CADPS2: variants seen among roughly 807,000 people sequenced by gnomAD.
CADPS2 encodes the protein calcium-dependent secretion activator 2.
In CADPS2, 93 loss-of-function variants were observed where a neutral mutation model predicts 172.5. The observed-to-expected ratio is 0.54, with a 90% confidence interval of 0.46 to 0.64. The LOEUF is 0.64. CADPS2 is among the 30% of genes least tolerant of loss of function. The pLI is 0.00. For synonymous variants in CADPS2, 546 were observed against 555.2 expected, an observed-to-expected ratio of 0.98 and a Z score of 0.23; for missense variants, 1,420 against 1,565.9, an observed-to-expected ratio of 0.91 and a Z score of 1.57.
At chr7:122,539,827 CTT>C (rs976300165) in intron 8 of CADPS2, among the ~76,000 whole-genome samples, 55 of 105,716 alleles carry the variant, frequency 5.2e-4, no homozygotes, top group Admixed American at 1.2e-3. Flanking sequence ...CTGTCTCTCT[CTT>C]TCTTTCTTTA....
At chr7:122,609,055 G>T (rs1028686356) in intron 6 of CADPS2, among the ~76,000 whole-genome samples, 6 of 151,916 alleles carry the variant, frequency 3.9e-5, no homozygotes, top group Non-Finnish European at 8.8e-5. Flanking sequence ...AAAGAGGTTC[G>T]ATATCATGCT....
At chr7:122,773,867 T>C (rs1476631389) in intron 1 of CADPS2, among the ~76,000 whole-genome samples, 1 of 152,128 alleles carries the variant, frequency 6.6e-6, no homozygotes, top group African/African-American at 2.4e-5. Context: ...TAGCTCTTAC[T>C]AGTTTTGTTC....
chr7:122,756,215 G>T (rs1460187624), intron 1 of CADPS2, among the ~76,000 whole-genome samples: 1 of 147,694 alleles, frequency 6.8e-6, no homozygotes, highest in Non-Finnish European at 1.5e-5. Flanking sequence ...AATTATACAA[G>T]GACTTAATTA....
At chr7:122,756,997 CA>C (rs2093190902) in intron 1 of CADPS2, among the ~76,000 whole-genome samples, 1 of 152,088 alleles carries the variant, frequency 6.6e-6, no homozygotes, top group Non-Finnish European at 1.5e-5. Flanking sequence ...CACCACACTG[CA>C]CAACTCCACG....
intron 1 of CADPS2, among the ~76,000 whole-genome samples, chr7:122,755,113 G>A (rs1337006598): frequency 6.6e-6 from 1 of 152,066 alleles, no homozygotes; most frequent in Non-Finnish European, 1.5e-5. Context: ...AAAAACATTT[G>A]CTACTGAGCA....
chr7:122,839,541 G>A (rs1048485188), intron 1 of CADPS2, among the ~76,000 whole-genome samples: 12 of 152,220 alleles, frequency 7.9e-5, no homozygotes, highest in Non-Finnish European at 1.5e-4. Context: ...CTGACAAAGG[G>A]CTAATATCCA....
intron 7 of CADPS2, among the ~76,000 whole-genome samples, chr7:122,560,683 T>C (rs2065639947): frequency 6.6e-6 from 1 of 152,204 alleles, no homozygotes; most frequent in African/African-American, 2.4e-5. Flanking sequence ...TCCAGATAAG[T>C]AGAGCCTATC....
intron 24 of CADPS2, among the ~76,000 whole-genome samples, chr7:122,384,077 G>A (rs1461254745): frequency 5.3e-5 from 8 of 152,046 alleles, no homozygotes; most frequent in Admixed American, 2.0e-4. Context: ...TTGTGATCTC[G>A]ACATCTGTCC....
intron 9 of CADPS2, among the ~76,000 whole-genome samples, chr7:122,500,975 CCA>C (rs910093760): frequency 6.6e-6 from 1 of 152,098 alleles, no homozygotes; most frequent in African/African-American, 2.4e-5. Flanking sequence ...TAAATCTAGG[CCA>C]GGCACAGTGG....
intron 16 of CADPS2, among the ~76,000 whole-genome samples, chr7:122,439,921 G>T (rs1298130835): frequency 6.6e-6 from 1 of 151,928 alleles, no homozygotes; most frequent in East Asian, 1.9e-4. Flanking sequence ...ATGTCTCCCA[G>T]GTAATATTTC....
chr7:122,796,223 T>C (rs936446653), intron 1 of CADPS2, among the ~76,000 whole-genome samples: 2 of 152,016 alleles, frequency 1.3e-5, no homozygotes, highest in African/African-American at 2.4e-5. Context: ...CACAAACAAA[T>C]AGGAAAACAT....
At chr7:122,637,778 A>G (rs1305503411) in intron 3 of CADPS2, among the ~76,000 whole-genome samples, 1 of 152,118 alleles carries the variant, frequency 6.6e-6, no homozygotes, top group Non-Finnish European at 1.5e-5. Flanking sequence ...ATTCTTTTTC[A>G]TGTGTGAGGG....
At chr7:122,695,703 G>T (rs1276969514) in intron 2 of CADPS2, among the ~76,000 whole-genome samples, 1 of 152,090 alleles carries the variant, frequency 6.6e-6, no homozygotes, top group Non-Finnish European at 1.5e-5. Flanking sequence ...AAAATTCTCA[G>T]ATCAAACAAG....
chr7:122,724,330 C>T (rs6466839), intron 2 of CADPS2, among the ~76,000 whole-genome samples: 100,286 of 151,794 alleles, frequency 0.66, 33,961 homozygotes, highest in Middle Eastern at 0.84. Flanking sequence ...AAAAAATTCA[C>T]TTAATTAATT....
chr7:122,880,040 C>T (rs1390751611), intron 1 of CADPS2, among the ~76,000 whole-genome samples: 1 of 152,140 alleles, frequency 6.6e-6, no homozygotes, highest in Non-Finnish European at 1.5e-5. Flanking sequence ...AGAATGACTT[C>T]TAAAGTTTAC....
At position 122,578,803 on chromosome 7, in the gene CADPS2, G is replaced by A. The variant is rs966837482; in HGVS notation, c.1335+2376C>T. ...GTGGTAAATGGGAAAATAGTAAACA[G>A]ACTCTTTATGTGAAATGATGGTGCT... On this transcript the variant is annotated intron_variant, in intron 7 of 29. Coordinates refer to ENST00000449022, the MANE Select transcript of CADPS2 (RefSeq NM_017954.11). 2.9e-4 allele frequency among the ~76,000 whole-genome samples: 44 copies of A among 152,260 alleles called. 1 individual carries two copies. The highest frequency in any genetic ancestry group is 9.4e-4 in the African/African-American group (39 of 41,564).
chr7:122,792,390 G>C (rs749896282), intron 1 of CADPS2, among the ~76,000 whole-genome samples: 24 of 152,154 alleles, frequency 1.6e-4, no homozygotes, highest in Non-Finnish European at 5.9e-5. Context: ...TTTCAGCCAT[G>C]TGAGGTTATA....
chr7:122,691,516 C>T (rs1483201596), intron 2 of CADPS2, among the ~76,000 whole-genome samples: 3 of 152,318 alleles, frequency 2.0e-5, no homozygotes, highest in Admixed American at 1.3e-4. Context: ...GCTGTGTAAG[C>T]CTCACCATGC....
At chr7:122,608,711 T>A (rs577893152) in intron 6 of CADPS2, among the ~76,000 whole-genome samples, 1 of 152,308 alleles carries the variant, frequency 6.6e-6, no homozygotes, top group Admixed American at 6.5e-5. Flanking sequence ...CAAATGCTTT[T>A]AATAAAACAG....
Sources: allele counts gnomAD v4.1 joint callset (sites outside exome capture counted in the v4.1 genomes callset), GRCh38; gene constraint gnomAD v4.1.1; transcripts MANE v1.5; gene names NCBI Gene and HGNC (gene_info 2026-07-23, HGNC 2026-07-21).